The following PIK3CD variants were observed in gnomAD, a reference collection of about 807,000 sequenced individuals.
PIK3CD encodes phosphatidylinositol 4,5-bisphosphate 3-kinase catalytic subunit delta isoform.
In PIK3CD, 20 loss-of-function variants were observed where a neutral mutation model predicts 122.9. The observed-to-expected ratio is 0.16, with a 90% CI of 0.11 to 0.24. The LOEUF is 0.24. Among genes scored for constraint, PIK3CD ranks in the 10% least tolerant of loss-of-function variants. The pLI is 1.00. For synonymous variants in PIK3CD, 596 were observed against 593.4 expected, an observed-to-expected ratio of 1.00 and a Z score of -0.06; for missense variants, 787 against 1,406.3, an observed-to-expected ratio of 0.56 and a Z score of 7.04.
At position 9,686,722 on chromosome 1, in the gene PIK3CD, T is replaced by C. The variant is rs548714234; in HGVS notation, c.-137-4745T>C. On this transcript the variant is annotated intron_variant, in intron 1 of 23. Coordinates refer to ENST00000377346, the MANE Select transcript of PIK3CD (RefSeq NM_005026.5). ...TGACTTTATTTATACTCTCACTTAA[T>C]TTCAGAAAGGACTGAAGGTACCTGA... Among the ~76,000 whole-genome samples the C allele has an allele frequency of 2.6e-5, 4 of 152,348 alleles. No homozygotes were observed. The South Asian group carries it at 6.2e-4, about 24-fold the overall frequency.
In PIK3CD at chr1:9,724,130, G is replaced by A. The variant is rs774234767; in HGVS notation, c.2718+38G>A. Reference sequence around the variant, plus strand: ...GTGCTGGCGGCTGCTGTGGGGACTTGGCTTCTGGCCCCAGCCTGCTGGCCC... The same window carrying A: ...GTGCTGGCGGCTGCTGTGGGGACTTAGCTTCTGGCCCCAGCCTGCTGGCCC... On this transcript the variant is annotated intron_variant, in intron 21 of 23. Coordinates refer to ENST00000377346, the MANE Select transcript of PIK3CD (RefSeq NM_005026.5). This position sits in a 1 kb window ranked among gnomAD's most constrained non-coding sequence, Gnocchi z 7.3. 1.9e-6 allele frequency: 3 copies of A among 1,613,950 alleles called. No homozygotes were observed. The highest frequency in any genetic ancestry group is 1.7e-5 in the Admixed American group (1 of 60,018).
intron 1 of PIK3CD, among the ~76,000 whole-genome samples, chr1:9,667,085 A>C (rs1645183218): frequency 6.6e-6 from 1 of 152,154 alleles, no homozygotes. Flanking sequence ...GCTGGTCTCG[A>C]ACTCCTGAGC....
At chr1:9,648,856 C>T (rs1456342035), upstream of PIK3CD, among the ~76,000 whole-genome samples, 2 of 152,204 alleles carry the variant, frequency 1.3e-5, no homozygotes, top group Non-Finnish European at 2.9e-5. Context: ...AATCCCAGCA[C>T]TTTGGGAGGC....
At chr1:9,630,232 T>C in the PIK3CD span, among the ~76,000 whole-genome samples, 5 of 152,208 alleles carry the variant, frequency 3.3e-5, no homozygotes, top group South Asian at 2.1e-4. Flanking sequence ...CAGGTGAGTC[T>C]AGCCTCCCTA....
chr1:9,710,312 C>T lies in PIK3CD; in HGVS notation c.-32-112C>T. On this transcript the variant is annotated intron_variant, in intron 2 of 23. Coordinates refer to ENST00000377346, the MANE Select transcript of PIK3CD (RefSeq NM_005026.5). This position sits in a 1 kb window ranked among gnomAD's most constrained non-coding sequence, Gnocchi z 4.7. ...TTTTTGTACCCGCAGGTCGGGAACT[C>T]ACTCCTGAGCTTCCTGCTGTCCAAG... 1 of 881,598 alleles carries T rather than the reference C, an allele frequency of 1.1e-6. No individual in the cohort carries two copies. The highest frequency in any genetic ancestry group is 1.9e-6 in the Non-Finnish European group (1 of 528,378). The allele number at this position is 881,598 out of a possible 1,614,324, so 54.6% of individuals were successfully genotyped here. A position where few individuals can be genotyped will look rare whatever the true frequency, so the allele number is the denominator to read the frequency against.
intron 1 of PIK3CD, chr1:9,662,723 C>G (rs1645044572): frequency 6.6e-6 from 1 of 151,978 alleles, no homozygotes; most frequent in Non-Finnish European, 1.5e-5. Flanking sequence ...GCATCTCGCT[C>G]TTTTTCCCAG....
rs1483093926 is a variant in PIK3CD, at chr1:9,689,922, T to A, written c.-137-1545T>A. Among the ~76,000 whole-genome samples the A allele has an allele frequency of 6.6e-6, 1 of 151,544 alleles. No homozygotes were observed. Among genetic ancestry groups the A allele is most frequent in the Non-Finnish European group, 1.5e-5 (1 of 67,806 alleles). On this transcript the variant is annotated intron_variant, in intron 1 of 23. Coordinates refer to ENST00000377346, the MANE Select transcript of PIK3CD (RefSeq NM_005026.5). This position sits in a 1 kb window ranked among gnomAD's most constrained non-coding sequence, Gnocchi z 6.1. ...TTGCGTTCGCGGTGGGATTCTCAGC[T>A]ATGGGCCGCGCGACGCTCTCCTCTC...
chr1:9,648,668 G>C (rs1164706051), upstream of PIK3CD, among the ~76,000 whole-genome samples: 2 of 143,174 alleles, frequency 1.4e-5, no homozygotes, highest in African/African-American at 5.4e-5. Context: ...GTGAGCCTCA[G>C]ACACTCCACT....
the PIK3CD span, among the ~76,000 whole-genome samples, chr1:9,632,295 A>G: frequency 6.6e-6 from 1 of 152,116 alleles, no homozygotes; most frequent in Admixed American, 6.6e-5. Context: ...TGCAGGCGTG[A>G]GCCACCGCAC....
chr1:9,631,365 G>C, the PIK3CD span, among the ~76,000 whole-genome samples: 9 of 152,318 alleles, frequency 5.9e-5, 1 homozygote, highest in South Asian at 1.9e-3. Flanking sequence ...CCAAAAGGGG[G>C]TCAGACTGGC....
intron 5 of PIK3CD, 100 bp downstream of exon 5, chr1:9,716,178 T>G (rs1647401289): frequency 1.9e-6 from 2 of 1,026,960 alleles, no homozygotes; most frequent in African/African-American, 1.6e-5. Flanking sequence ...CCTCCCCCAG[T>G]GGCATCAGAT....
At chr1:9,691,308 A>G (rs1646188053) in intron 1 of PIK3CD, among the ~76,000 whole-genome samples, 159 bp from the exon 2 acceptor site, 1 of 152,242 alleles carries the variant, frequency 6.6e-6, no homozygotes, top group African/African-American at 2.4e-5. Context: ...AGATGGCAAG[A>G]AAGGCCGATC....
Position 9,728,836 on chromosome 1 carries a change from A to AAGTT in PIK3CD, c.*1796_*1799dup, listed in dbSNP as rs145984383. ...TTTCATGTTTCTGTCTGGGGAAGGC[A>AAGTT]AGTTAGTTAAGTATCACTGATGTGG... On this transcript the variant is annotated 3_prime_UTR_variant, in exon 24 of 24. Coordinates refer to ENST00000377346, the MANE Select transcript of PIK3CD (RefSeq NM_005026.5). The AAGTT allele has an allele frequency of 2.3e-4, 35 of 152,338 alleles. No individual in the cohort carries two copies. The East Asian group carries it at 3.7e-3, about 16-fold the overall frequency. 9.4% of individuals were successfully genotyped at this position (152,338 alleles called of 1,614,324 possible). A position where few individuals can be genotyped will look rare whatever the true frequency, so the allele number is the denominator to read the frequency against.
intron 1 of PIK3CD, among the ~76,000 whole-genome samples, chr1:9,663,852 C>T (rs1162202643): frequency 8.0e-5 from 12 of 150,336 alleles, no homozygotes; most frequent in Middle Eastern, 3.2e-3. Flanking sequence ...TTTGTCCTTG[C>T]GATAGTTTGC....
upstream of PIK3CD, among the ~76,000 whole-genome samples, chr1:9,650,411 G>A (rs1221052240): frequency 6.6e-6 from 1 of 152,088 alleles, no homozygotes; most frequent in Non-Finnish European, 1.5e-5. Flanking sequence ...AACAGAACAA[G>A]ATTCCTCAAA....
the PIK3CD span, among the ~76,000 whole-genome samples, chr1:9,639,195 T>G: frequency 6.6e-6 from 1 of 152,146 alleles, no homozygotes; most frequent in Non-Finnish European, 1.5e-5. Flanking sequence ...TGTCTTTCTG[T>G]CCTGGGAAAA....
rs1196923186 is a variant in PIK3CD, at chr1:9,727,657, G to A, written c.*611G>A. 1.4e-5 allele frequency: 3 copies of A among 217,808 alleles called. No homozygotes were observed. The highest frequency in any genetic ancestry group is 1.4e-4 in the South Asian group (1 of 7,008). The allele number at this position is 217,808 out of a possible 1,614,324, so 13.5% of individuals were successfully genotyped here. On this transcript the variant is annotated 3_prime_UTR_variant, in exon 24 of 24. Coordinates refer to ENST00000377346, the MANE Select transcript of PIK3CD (RefSeq NM_005026.5). ...AATAGATGACTCACCACACCTCTACGGCTGGGGAGATCAGGCCCAGCCCCA... is the reference window on the plus strand; with the variant it reads ...AATAGATGACTCACCACACCTCTACAGCTGGGGAGATCAGGCCCAGCCCCA...
At position 9,710,385 on chromosome 1, in the gene PIK3CD, C is replaced by A; in HGVS notation, c.-32-39C>A. Reference sequence around the variant, plus strand: ...TCCCTTCCAAAGGTCTCACCCAGCTCAGCTGAGGTAACTCATTTTGCCATT... The same window carrying A: ...TCCCTTCCAAAGGTCTCACCCAGCTAAGCTGAGGTAACTCATTTTGCCATT... On this transcript the variant is annotated intron_variant, in intron 2 of 23. Transcript: ENST00000377346. The surrounding 1 kb of genome is among the most constrained non-coding windows in gnomAD (Gnocchi z 4.7). The A allele has an allele frequency of 6.6e-7, 1 of 1,520,964 alleles. No individual in the cohort carries two copies. Among genetic ancestry groups the A allele is most frequent in the Non-Finnish European group, 9.1e-7 (1 of 1,096,548 alleles). The allele number at this position is 1,520,964 out of a possible 1,614,324, so 94.2% of individuals were successfully genotyped here. A position where few individuals can be genotyped will look rare whatever the true frequency, so the allele number is the denominator to read the frequency against.
chr1:9,718,578 G>A lies in PIK3CD; in HGVS notation c.1021-116G>A. 1.0e-6 allele frequency: 1 copy of A among 955,656 alleles called. No homozygotes were observed. The highest frequency in any genetic ancestry group is 1.4e-5 in the South Asian group (1 of 73,426). The allele number at this position is 955,656 out of a possible 1,614,324, so 59.2% of individuals were successfully genotyped here. On this transcript the variant is annotated intron_variant, in intron 8 of 23. Transcript: ENST00000377346. The surrounding 1 kb of genome is among the most constrained non-coding windows in gnomAD (Gnocchi z 7.2). ...GTGCTGCACCACCTTCCTTCGTGTG[G>A]GAAGTAGAGTTCAGACCCACCTGAG... is the stretch of plus-strand genomic sequence containing the variant.
Sources: allele counts gnomAD v4.1 joint callset (sites outside exome capture counted in the v4.1 genomes callset), GRCh38; gene constraint gnomAD v4.1.1; non-coding constraint Gnocchi (gnomAD v3.1); transcripts MANE v1.5; gene names NCBI Gene and HGNC (gene_info 2026-07-23, HGNC 2026-07-21).